ATG4B: variants seen among roughly 807,000 people sequenced by gnomAD.
ATG4B encodes the protein cysteine protease ATG4B.
Under a neutral mutation model 56.6 loss-of-function variants are expected in ATG4B, and 29 were observed. The observed-to-expected ratio is 0.51, with a 90% CI of 0.38 to 0.70. The LOEUF is 0.70. ATG4B is among the 30% of genes least tolerant of loss of function. The pLI, the probability that ATG4B is intolerant of heterozygous loss-of-function variation, is 0.00. For missense variants in ATG4B, 461 were observed against 515.5 expected (o/e 0.89, Z 1.02); for synonymous variants, 224 against 206.1 (o/e 1.09, Z -0.74).
intron 6 of ATG4B, among the ~76,000 whole-genome samples, chr2:241,656,345 CCTCT>C (rs2068404631): frequency 6.6e-6 from 1 of 152,168 alleles, no homozygotes; most frequent in African/African-American, 2.4e-5. Flanking sequence ...CCTGCTGCTC[CCTCT>C]GTCTCCAGGG....
chr2:241,662,746 G>A (rs1261390159), intron 7 of ATG4B, among the ~76,000 whole-genome samples: 3 of 152,006 alleles, frequency 2.0e-5, no homozygotes, highest in African/African-American at 7.2e-5. Flanking sequence ...AAAGTGGGCC[G>A]GGCATGGTGG....
rs1004542518 is a variant in ATG4B at position 241,673,521 on chromosome 2, A to C, written c.*1257A>C. 6.7e-6 allele frequency: 3 copies of C among 448,514 alleles called. No homozygotes were observed. Among genetic ancestry groups the C allele is most frequent in the African/African-American group, 2.0e-5 (1 of 49,884 alleles). The allele number at this position is 448,514 out of a possible 1,614,324, so 27.8% of individuals were successfully genotyped here. ...AGATCCCCGAGGACGCGCGCCGGAC[A>C]GTCGGCACTGACCGGCCCACCTGGT... is the stretch of plus-strand genomic sequence containing the variant. On this transcript the variant is annotated 3_prime_UTR_variant, in exon 13 of 13. Transcript: ENST00000404914.
At position 241,659,191 on chromosome 2, in the gene ATG4B, A is replaced by AGTG; in HGVS notation, c.538+6_538+8dup. Reference sequence around the variant, plus strand: ...ACTGTTGTGATGGAGGAAATCAGTAAGTGGCTCAGAGTTTCCATGGACAAG... The same window carrying AGTG: ...ACTGTTGTGATGGAGGAAATCAGTAAGTGGTGGCTCAGAGTTTCCATGGACAAG... On this transcript the variant is annotated splice_donor_region_variant and intron_variant, in intron 7 of 12. Transcript: ENST00000404914. 2 of 1,612,758 alleles carry AGTG rather than the reference A, an allele frequency of 1.2e-6. No individual in the cohort carries two copies. Among genetic ancestry groups the AGTG allele is most frequent in the Non-Finnish European group, 1.7e-6 (2 of 1,178,872 alleles).
At chr2:241,660,322 G>A (rs763265615) in intron 7 of ATG4B, among the ~76,000 whole-genome samples, 6 of 152,228 alleles carry the variant, frequency 3.9e-5, no homozygotes, top group African/African-American at 7.2e-5. Context: ...TCACAGACAC[G>A]CCCCTTCCCT....
rs1403155031 is a variant in ATG4B, at chr2:241,658,473, C to A, written c.459-635C>A. Among the ~76,000 whole-genome samples the A allele has an allele frequency of 2.6e-5, 4 of 152,216 alleles. No homozygotes were observed. In the East Asian group the frequency reaches 7.7e-4, roughly 29 times the overall value. On this transcript the variant is annotated intron_variant, in intron 6 of 12. Coordinates refer to ENST00000404914, the MANE Select transcript of ATG4B (RefSeq NM_013325.5). ...CCCGGGAGCACCAGGTCTTTGCTGC[C>A]TCAGGGCCTTTTCTATTGTTTTACC...
At chr2:241,660,353 C>G (rs941792290) in intron 7 of ATG4B, among the ~76,000 whole-genome samples, 3 of 152,184 alleles carry the variant, frequency 2.0e-5, no homozygotes, top group Non-Finnish European at 4.4e-5. Context: ...TCTGTTTCTT[C>G]ATCGTCTGGC....
At chr2:241,658,845 C>T (rs2068495960) in intron 6 of ATG4B, among the ~76,000 whole-genome samples, 1 of 152,216 alleles carries the variant, frequency 6.6e-6, no homozygotes, top group South Asian at 2.1e-4. Context: ...AACCAGGCCA[C>T]TCAAAAGCCT....
chr2:241,645,863 C>G (rs776102387), intron 1 of ATG4B, among the ~76,000 whole-genome samples: 2 of 152,082 alleles, frequency 1.3e-5, no homozygotes, highest in African/African-American at 2.4e-5. Context: ...CGGGGAGGGC[C>G]GGAGTGCGTT....
rs1301177887 is a variant in ATG4B at position 241,668,598 on chromosome 2, T to G, written c.870T>G (p.Asp290Glu). ...CGCAGCCAGCCGTGGAGCCCACTGA[T>G]GGCTGCTTCATCCCGGACGAGAGCT... is the stretch of plus-strand genomic sequence containing the variant. ...HTTQPAVEPT[D>E]GCFIPDESFH... Residue 290 changes from aspartate (D) to glutamate (E), a missense_variant, in exon 10 of 13, where the codon GAT (aspartate) becomes GAG (glutamate). Transcript: ENST00000404914. The surrounding 1 kb of genome is among the most constrained non-coding windows in gnomAD (Gnocchi z 4.2). 1 of 1,604,292 alleles carries G rather than the reference T, an allele frequency of 6.2e-7. No individual in the cohort carries two copies. Among genetic ancestry groups the G allele is most frequent in the Non-Finnish European group, 8.5e-7 (1 of 1,176,464 alleles).
rs2068866793 is a variant in ATG4B at position 241,668,937 on chromosome 2, G to C, written c.957+252G>C. The C allele has an allele frequency of 1.8e-6, 1 of 550,164 alleles. No homozygotes were observed. The highest frequency in any genetic ancestry group is 3.4e-5 in the Admixed American group (1 of 29,402). 34.1% of individuals were successfully genotyped at this position (550,164 alleles called of 1,614,324 possible). On this transcript the variant is annotated intron_variant, in intron 10 of 12. Transcript: ENST00000404914. This position sits in a 1 kb window ranked among gnomAD's most constrained non-coding sequence, Gnocchi z 4.2. ...GCCCAGAGAGCGTGTGTCTGGATGT[G>C]AGCGTGTGTGGGCGCGTGCTGAGTG... is the stretch of plus-strand genomic sequence containing the variant.
chr2:241,669,775 G>C (rs947150221), intron 10 of ATG4B, among the ~76,000 whole-genome samples: 2 of 152,228 alleles, frequency 1.3e-5, no homozygotes, highest in Non-Finnish European at 2.9e-5. Context: ...CCAAAGTGCT[G>C]GGATTACAGG....
Position 241,651,867 on chromosome 2 carries a change from G to C in ATG4B, c.184+532G>C, listed in dbSNP as rs1277964979. 7.7e-7 allele frequency: 1 copy of C among 1,295,182 alleles called. No individual in the cohort carries two copies. Among genetic ancestry groups the C allele is most frequent in the Admixed American group, 2.3e-5 (1 of 43,554 alleles). The allele number at this position is 1,295,182 out of a possible 1,614,324, so 80.2% of individuals were successfully genotyped here. On this transcript the variant is annotated intron_variant, in intron 3 of 12. Coordinates refer to ENST00000404914, the MANE Select transcript of ATG4B (RefSeq NM_013325.5). The surrounding 1 kb of genome is among the most constrained non-coding windows in gnomAD (Gnocchi z 4.1). ...TGACATGTTTTTATGTAACACTAAGGTGCATTCTGTTAAAAGCCATTCATC... is the reference window on the plus strand; with the variant it reads ...TGACATGTTTTTATGTAACACTAAGCTGCATTCTGTTAAAAGCCATTCATC...
chr2:241,656,347 T>A (rs1158356903), intron 6 of ATG4B, among the ~76,000 whole-genome samples: 2 of 151,078 alleles, frequency 1.3e-5, no homozygotes, highest in Non-Finnish European at 3.0e-5. Flanking sequence ...TGCTGCTCCC[T>A]CTGTCTCCAG....
rs972297035 is a variant in ATG4B at position 241,654,563 on chromosome 2, AG to A, written c.303del (p.Lys102ArgfsTer27). On this transcript the variant is annotated frameshift_variant, in exon 5 of 13. Coordinates refer to ENST00000404914, the MANE Select transcript of ATG4B (RefSeq NM_013325.5). LOFTEE classifies it high-confidence loss of function. ...TCCAATAGATTGGAGGTGGACACAA[AG>A]GAAGAGGCAGCCAGACAGCTACTTC... is the stretch of plus-strand genomic sequence containing the variant. ...HLGRDWRWTQ[R>X]KRQPDSYFSV... is the part of the protein sequence containing the mutation. The A allele has an allele frequency of 6.3e-7, 1 of 1,597,722 alleles. No homozygotes were observed.
intron 1 of ATG4B, among the ~76,000 whole-genome samples, chr2:241,640,366 T>G (rs1051944923): frequency 6.6e-6 from 1 of 152,240 alleles, no homozygotes; most frequent in Non-Finnish European, 1.5e-5. Context: ...TGATGCTGTA[T>G]TTCCTTTCAG....
At chr2:241,666,531 G>T in intron 7 of ATG4B, 114 bp from the exon 8 acceptor site, 2 of 1,101,190 alleles carry the variant, frequency 1.8e-6, no homozygotes, top group Admixed American at 4.2e-5. Flanking sequence ...TTCACTGTAA[G>T]CACCTGGCTT....
intron 1 of ATG4B, 56 bp downstream of exon 1, chr2:241,637,780 C>A: frequency 6.5e-7 from 1 of 1,536,526 alleles, no homozygotes; most frequent in South Asian, 1.2e-5. Flanking sequence ...TTATCATTGG[C>A]CTCCCCTGCT....
At chr2:241,659,653 T>G in intron 7 of ATG4B, 1 of 301,770 alleles carries the variant, frequency 3.3e-6, no homozygotes, top group Non-Finnish European at 6.5e-6. Flanking sequence ...AACCTGGGCG[T>G]GGCAACATTT....
At position 241,641,474 on chromosome 2, in the gene ATG4B, C is replaced by T. The variant is rs555147937; in HGVS notation, c.10+3750C>T. ...CTGAGGCAGGAGAATGGCGTGAACC[C>T]GGGAGGCGGAGCTTGCAGTGAGCCA... On this transcript the variant is annotated intron_variant, in intron 1 of 12. Coordinates refer to ENST00000404914, the MANE Select transcript of ATG4B (RefSeq NM_013325.5). 4.0e-5 allele frequency among the ~76,000 whole-genome samples: 6 copies of T among 150,284 alleles called. No individual in the cohort carries two copies. In the East Asian group the frequency reaches 1.0e-3, roughly 25 times the overall value.
Sources: gnomAD v4.1 joint callset for allele counts (sites outside exome capture counted in the v4.1 genomes callset) on GRCh38, gnomAD v4.1.1 for gene constraint, Gnocchi (gnomAD v3.1) non-coding constraint, MANE v1.5 for transcripts, NCBI Gene and HGNC (gene_info 2026-07-23, HGNC 2026-07-21) for gene names.